Variants in HEATR5A observed in about 807,000 individuals in gnomAD.
HEATR5A encodes HEAT repeat-containing protein 5A.
Under a neutral mutation model 218.8 loss-of-function variants are expected in HEATR5A, and 178 were observed. The ratio of observed to expected loss-of-function variants is 0.81; its 90% CI spans 0.72 to 0.92. The LOEUF (loss-of-function observed/expected upper bound fraction) is 0.92. Among genes scored for constraint, HEATR5A ranks in the 40% least tolerant of loss-of-function variants. The pLI is 0.00. For missense variants in HEATR5A, 2,420 were observed against 2,418.9 expected, an observed-to-expected ratio of 1.00 and a Z score of -0.01; for synonymous variants, 864 against 871.6, an observed-to-expected ratio of 0.99 and a Z score of 0.15.
chr14:31,416,278 G>A (rs1224737707), intron 1 of HEATR5A, among the ~76,000 whole-genome samples: 12 of 152,106 alleles, frequency 7.9e-5, no homozygotes, highest in African/African-American at 2.2e-4. Flanking sequence ...CACCACGCCC[G>A]GCTAATTTTT....
chr14:31,321,022 G>A (rs1320302307), intron 25 of HEATR5A, among the ~76,000 whole-genome samples: 1 of 152,082 alleles, frequency 6.6e-6, no homozygotes, highest in African/African-American at 2.4e-5. Flanking sequence ...ACTCATTTAC[G>A]AGGTGATATC....
intron 30 of HEATR5A, 120 bp from the exon 31 acceptor site, chr14:31,306,999 G>A: frequency 1.3e-6 from 1 of 792,926 alleles, no homozygotes; most frequent in Non-Finnish European, 1.9e-6. Flanking sequence ...AATTGCTTTA[G>A]TGCAATAAAG....
intron 16 of HEATR5A, among the ~76,000 whole-genome samples, chr14:31,351,024 G>A (rs780243328): frequency 3.9e-5 from 6 of 151,944 alleles, no homozygotes; most frequent in Non-Finnish European, 8.8e-5. Flanking sequence ...CAAGTGATCC[G>A]CCCACCTTGG....
chr14:31,358,946 A>C lies in HEATR5A; in HGVS notation c.2183T>G (p.Leu728Trp), dbSNP rs1266152716. ...LPPLCHQDDL[L>W]ILSPFLQETD... The stretch of plus-strand genomic sequence containing the variant: ...CTCTTGTAGGAAAGGACTTAGTATC[A>C]AAAGATCATCCTGATGACAGAGGGG... Residue 728 changes from leucine to tryptophan, a missense_variant, in exon 15 of 36, where the codon TTG becomes TGG. Coordinates refer to ENST00000543095, the MANE Select transcript of HEATR5A (RefSeq NM_015473.4). 11 of 1,591,550 alleles carry C rather than the reference A, an allele frequency of 6.9e-6. No individual in the cohort carries two copies. The highest frequency in any genetic ancestry group is 1.4e-5 in the African/African-American group (1 of 73,126).
Position 31,380,727 on chromosome 14 carries a change from G to C in HEATR5A, c.1597-149C>G, listed in dbSNP as rs1029288439. 1.8e-5 allele frequency: 11 copies of C among 604,698 alleles called. No homozygotes were observed. The African/African-American group carries it at 2.0e-4, about 11-fold the overall frequency. The allele number at this position is 604,698 out of a possible 1,614,324, so 37.5% of individuals were successfully genotyped here. On this transcript the variant is annotated intron_variant, in intron 10 of 35. Transcript: ENST00000543095. ...GTCATTCGTGTAGACTACATAATAG[G>C]ACTGTCATAAAGGAAACTATAAAAA...
rs1396892977 is a variant in HEATR5A at position 31,302,394 on chromosome 14, T to C, written c.5365A>G (p.Ile1789Val). 6.2e-7 allele frequency: 1 copy of C among 1,602,404 alleles called. No homozygotes were observed. The highest frequency in any genetic ancestry group is 8.5e-7 in the Non-Finnish European group (1 of 1,174,204). Reference sequence around the variant, plus strand: ...GCCCGGGCCATGGGAGAAGATAATATTCCTTTTAGAGCCTGTAGGGAAGCT... The same window carrying C: ...GCCCGGGCCATGGGAGAAGATAATACTCCTTTTAGAGCCTGTAGGGAAGCT... Reference protein sequence around the residue: ...VAASLQALKGILSSPMARAEK... With the variant: ...VAASLQALKGVLSSPMARAEK... Residue 1789 changes from isoleucine (I) to valine (V), a missense_variant, in exon 33 of 36, where the codon ATA becomes GTA. Coordinates refer to ENST00000543095, the MANE Select transcript of HEATR5A (RefSeq NM_015473.4).
chr14:31,417,749 C>CAA (rs779679473), intron 1 of HEATR5A, among the ~76,000 whole-genome samples: 28 of 100,558 alleles, frequency 2.8e-4, no homozygotes, highest in African/African-American at 9.6e-4. Context: ...GACTCCATCT[C>CAA]AAAAAAAAAA....
chr14:31,386,561 C>T lies in HEATR5A; in HGVS notation c.1204G>A (p.Asp402Asn), dbSNP rs970985009. Residue 402 changes from aspartate (D) to asparagine (N), a missense_variant, in exon 9 of 36, where the codon GAT (aspartate) becomes AAT (asparagine). Transcript: ENST00000543095. ...LKKVMDAVMS[D>N]GNLETRLGST... ...CCAAGCCGGGTTTCCAAATTACCAT[C>T]ACTCATTACGGCATCTGATAGAAAT... The T allele has an allele frequency of 2.5e-6, 4 of 1,594,176 alleles. No individual in the cohort carries two copies. Among genetic ancestry groups the T allele is most frequent in the East Asian group, 2.2e-5 (1 of 44,614 alleles).
At position 31,420,497 on chromosome 14, in the gene HEATR5A, G is replaced by T. The variant is rs958199749; in HGVS notation, c.-100C>A. 2 of 152,624 alleles carry T rather than the reference G, an allele frequency of 1.3e-5. No homozygotes were observed. The highest frequency in any genetic ancestry group is 1.5e-5 in the Non-Finnish European group (1 of 68,408). The allele number at this position is 152,624 out of a possible 1,614,324, so 9.5% of individuals were successfully genotyped here. ...CTTTGGGGGTCCTCCTCAGCTGAGC[G>T]TGCGTCCCGGTCCAGCAACGTTACC... is the stretch of plus-strand genomic sequence containing the variant. On this transcript the variant is annotated 5_prime_UTR_variant, in exon 1 of 36. Transcript: ENST00000543095.
intron 14 of HEATR5A, among the ~76,000 whole-genome samples, chr14:31,361,540 T>C (rs550633279): frequency 2.6e-5 from 4 of 152,294 alleles, no homozygotes; most frequent in South Asian, 4.1e-4. Flanking sequence ...GTGAAAATAG[T>C]AGAAAATCTC....
At chr14:31,341,503 C>G (rs546284361) in intron 21 of HEATR5A, among the ~76,000 whole-genome samples, 1 of 152,230 alleles carries the variant, frequency 6.6e-6, no homozygotes, top group South Asian at 2.1e-4. Context: ...AGGTGATCCT[C>G]TCACCTCAGC....
rs564152111 is a variant in HEATR5A at position 31,396,084 on chromosome 14, C to T, written c.448-736G>A. On this transcript the variant is annotated intron_variant, in intron 4 of 35. Transcript: ENST00000543095. Reference sequence around the variant, plus strand: ...GAAATAGTAGCTGCTTGGCTGGGTGCGGTGGCTCACACCTGCAATCTCAGC... The same window carrying T: ...GAAATAGTAGCTGCTTGGCTGGGTGTGGTGGCTCACACCTGCAATCTCAGC... Among the ~76,000 whole-genome samples, 21 of 152,108 alleles carry T rather than the reference C, an allele frequency of 1.4e-4. No individual in the cohort carries two copies. In the South Asian group the frequency reaches 4.2e-3, roughly 30 times the overall value.
At chr14:31,332,713 A>G (rs1234846306) in intron 22 of HEATR5A, among the ~76,000 whole-genome samples, 1 of 152,030 alleles carries the variant, frequency 6.6e-6, no homozygotes, top group African/African-American at 2.4e-5. Flanking sequence ...AGAAGTTCAA[A>G]TCAGGCTCAG....
intron 14 of HEATR5A, among the ~76,000 whole-genome samples, chr14:31,361,491 A>G (rs1324036318): frequency 6.6e-6 from 1 of 152,196 alleles, no homozygotes; most frequent in Non-Finnish European, 1.5e-5. Flanking sequence ...TTCTGTTGGT[A>G]GTACAATATA....
chr14:31,308,479 C>T (rs1274792011), intron 29 of HEATR5A, among the ~76,000 whole-genome samples: 1 of 148,346 alleles, frequency 6.7e-6, no homozygotes, highest in Non-Finnish European at 1.5e-5. Flanking sequence ...TGCACTCCAG[C>T]CTGGGCAACA....
chr14:31,353,464 G>A (rs931214399), intron 16 of HEATR5A, among the ~76,000 whole-genome samples: 12 of 151,978 alleles, frequency 7.9e-5, no homozygotes, highest in African/African-American at 2.9e-4. Flanking sequence ...AAATTTTTCT[G>A]GTGGCTCACG....
At chr14:31,301,989 G>A (rs886507957) in intron 33 of HEATR5A, among the ~76,000 whole-genome samples, 1 of 149,844 alleles carries the variant, frequency 6.7e-6, no homozygotes, top group Admixed American at 6.7e-5. Flanking sequence ...TGTGCCACCA[G>A]AATCGGCTGA....
In HEATR5A at chr14:31,394,029, T is replaced by G. The variant is rs772806146; in HGVS notation, c.772+23A>C. ...GGGGAAAAAATTACAGAAGAGACTT[T>G]GAAAATAATTACATGTATTTACCTG... is the stretch of plus-strand genomic sequence containing the variant. On this transcript the variant is annotated intron_variant, in intron 6 of 35. Coordinates refer to ENST00000543095, the MANE Select transcript of HEATR5A (RefSeq NM_015473.4). 24 of 1,433,944 alleles carry G rather than the reference T, an allele frequency of 1.7e-5. No individual in the cohort carries two copies. The South Asian group carries it at 3.1e-4, about 19-fold the overall frequency. 88.8% of individuals were successfully genotyped at this position (1,433,944 alleles called of 1,614,324 possible).
Position 31,389,009 on chromosome 14 carries a change from T to C in HEATR5A, c.773-4A>G. On this transcript the variant is annotated splice_polypyrimidine_tract_variant and splice_region_variant and intron_variant, in intron 6 of 35. Coordinates refer to ENST00000543095, the MANE Select transcript of HEATR5A (RefSeq NM_015473.4). ...CGAATGCTTTGACGTGAGGCTGCTA[T>C]GACAAAGAACAAAACTGTGATTCAT... The C allele has an allele frequency of 6.2e-7, 1 of 1,600,880 alleles. No homozygotes were observed. The highest frequency in any genetic ancestry group is 8.5e-7 in the Non-Finnish European group (1 of 1,172,988).
Sources: gnomAD v4.1 joint callset for allele counts (sites outside exome capture counted in the v4.1 genomes callset) on GRCh38, gnomAD v4.1.1 for gene constraint, MANE v1.5 for transcripts, NCBI Gene and HGNC (gene_info 2026-07-23, HGNC 2026-07-21) for gene names.